Variants in JAK1 observed in about 807,000 individuals in gnomAD.
JAK1 encodes Janus kinase 1.
JAK1 carries 16 observed loss-of-function variants against 136.6 expected under a neutral mutation model. The ratio of observed to expected loss-of-function variants is 0.12; its 90% CI spans 0.08 to 0.18. The LOEUF (loss-of-function observed/expected upper bound fraction) is 0.18, where lower values mean the gene tolerates loss of function less well. JAK1 is among the 10% of genes least tolerant of loss of function. The pLI is 1.00. For synonymous variants in JAK1, 492 were observed against 519.5 expected (o/e 0.95, Z 0.72); for missense variants, 859 against 1,450.1 (o/e 0.59, Z 6.62).
intron 4 of JAK1, among the ~76,000 whole-genome samples, chr1:64,878,603 A>ATC (rs1644719050): frequency 1.6e-4 from 18 of 110,150 alleles, no homozygotes; most frequent in South Asian, 2.9e-4. Context: ...ATATATATAT[A>ATC]TATCTCAAAA....
chr1:64,841,579 C>A lies in JAK1; in HGVS notation c.2426G>T (p.Arg809Leu), dbSNP rs1293957402. Residue 809 changes from arginine to leucine, a missense_variant, in exon 18 of 25, where the codon CGG becomes CTG. Arg to Leu is a moderately radical substitution (Grantham distance 102, BLOSUM62 -2). Coordinates refer to ENST00000342505, the MANE Select transcript of JAK1 (RefSeq NM_002227.4). The stretch of plus-strand genomic sequence containing the variant: ...ACATGATGGTGTCACTGGCCTGCAC[C>A]GGCTTTCATAGAATCTCTCTTTCTG... ...LIEKERFYES[R>L]CRPVTPSCKE... 6.2e-7 allele frequency: 1 copy of A among 1,614,070 alleles called. No homozygotes were observed. Among genetic ancestry groups the A allele is most frequent in the African/African-American group, 1.3e-5 (1 of 75,024 alleles).
chr1:64,953,044 T>A (rs1285351359), intron 1 of JAK1, among the ~76,000 whole-genome samples: 1 of 152,228 alleles, frequency 6.6e-6, no homozygotes, highest in African/African-American at 2.4e-5. Context: ...ACTATCTTAT[T>A]ACTGATGTTT....
chr1:65,033,416 A>G (rs1167385101), intron 2 of JAK1, among the ~76,000 whole-genome samples: 4 of 152,002 alleles, frequency 2.6e-5, no homozygotes, highest in Admixed American at 6.6e-5. Context: ...CAAACTCCCA[A>G]CCTCAAGCAA....
At chr1:65,040,711 T>C (rs1647123953) in intron 2 of JAK1, among the ~76,000 whole-genome samples, 1 of 152,110 alleles carries the variant, frequency 6.6e-6, no homozygotes, top group Admixed American at 6.6e-5. Context: ...CTACCCATAG[T>C]GGCGCTCTGG....
intron 1 of JAK1, among the ~76,000 whole-genome samples, chr1:64,913,690 A>G (rs1261771801): frequency 3.1e-5 from 1 of 32,344 alleles, no homozygotes; most frequent in African/African-American, 8.5e-5. Context: ...GAAGGAAGGA[A>G]GGAAGGAAGG....
intron 11 of JAK1, among the ~76,000 whole-genome samples, chr1:64,852,720 T>A (rs1403043247): frequency 1.3e-5 from 2 of 152,184 alleles, no homozygotes; most frequent in Admixed American, 1.3e-4. Flanking sequence ...AGTGCCTCCA[T>A]GAAGGTGTTT....
chr1:64,892,128 C>T (rs924142307), intron 1 of JAK1, among the ~76,000 whole-genome samples: 2 of 152,238 alleles, frequency 1.3e-5, no homozygotes, highest in African/African-American at 2.4e-5. Flanking sequence ...CTAATTACCA[C>T]TAACACATCC....
chr1:64,928,778 C>CAAAAAAAAAAAAAAAAAAAAAAA lies in JAK1; in HGVS notation c.-78+37554_-78+37555insTTTTTTTTTTTTTTTTTTTTTTT, dbSNP rs1183218798. On this transcript the variant is annotated intron_variant, in intron 1 of 24. Coordinates refer to ENST00000342505, the MANE Select transcript of JAK1 (RefSeq NM_002227.4). ...AGGTTCTGAGTGCTATAAAACTCTGCAAAAAAAAAAAAAAAAAACAAAAAA... is the reference window on the plus strand; with the variant it reads ...AGGTTCTGAGTGCTATAAAACTCTGCAAAAAAAAAAAAAAAAAAAAAAAAAAAAAAAAAAAAAAAAACAAAAAA... Among the ~76,000 whole-genome samples, 160 of 61,086 alleles carry CAAAAAAAAAAAAAAAAAAAAAAA rather than the reference C, an allele frequency of 2.6e-3. 2 individuals carry two copies. The highest frequency in any genetic ancestry group is 5.3e-3 in the South Asian group (8 of 1,510). The allele number at this position is 61,086 out of a possible 152,430, so 40.1% of individuals were successfully genotyped here.
intron 1 of JAK1, among the ~76,000 whole-genome samples, chr1:64,950,337 G>A (rs573118553): frequency 4.0e-5 from 6 of 151,796 alleles, no homozygotes; most frequent in African/African-American, 1.2e-4. Flanking sequence ...CAACCCGGAG[G>A]CAGAGGTTGC....
intron 2 of JAK1, among the ~76,000 whole-genome samples, chr1:65,020,168 T>C (rs1646925735): frequency 7.3e-6 from 1 of 136,938 alleles, no homozygotes; most frequent in Non-Finnish European, 1.5e-5. Context: ...GAGGTTGCAG[T>C]GAGCTGAGAT....
intron 15 of JAK1, among the ~76,000 whole-genome samples, chr1:64,845,301 C>T (rs1389725975): frequency 2.0e-5 from 3 of 152,172 alleles, no homozygotes; most frequent in African/African-American, 7.2e-5. Context: ...TAACATTTCC[C>T]ACTAAACAGA....
intron 13 of JAK1, 46 bp from the exon 14 acceptor site, chr1:64,846,782 G>A: frequency 6.7e-7 from 1 of 1,494,124 alleles, no homozygotes; most frequent in Non-Finnish European, 9.3e-7. Context: ...AGCCTCCAGG[G>A]GGCTGCTCCC....
chr1:64,983,591 G>T lies in JAK1; in HGVS notation c.-78+60889C>A, dbSNP rs936022995. 1.2e-4 allele frequency among the ~76,000 whole-genome samples: 18 copies of T among 152,136 alleles called. 1 individual carries two copies. Among genetic ancestry groups the T allele is most frequent in the African/African-American group, 4.3e-4 (18 of 41,428 alleles). ...CCAATTATTTTAGGTTTCTCATTTG[G>T]ATGGCTCTACCACCAGATGGGTGGT... On this transcript the variant is annotated intron_variant, in intron 2 of 25. Transcript: ENST00000671954.
intron 10 of JAK1, 52 bp from the exon 11 acceptor site, chr1:64,855,750 G>T (rs777751925): frequency 6.7e-7 from 1 of 1,494,082 alleles, no homozygotes. Flanking sequence ...TCAGGCATGG[G>T]TATGTAAGAT....
intron 11 of JAK1, among the ~76,000 whole-genome samples, chr1:64,852,219 AT>A (rs1655646669): frequency 6.6e-6 from 1 of 152,262 alleles, no homozygotes; most frequent in African/African-American, 2.4e-5. Flanking sequence ...CAGTATTCTT[AT>A]CCCCATTTTA....
intron 2 of JAK1, among the ~76,000 whole-genome samples, chr1:64,982,369 C>G (rs1285900385): frequency 6.6e-6 from 1 of 152,170 alleles, no homozygotes; most frequent in African/African-American, 2.4e-5. Context: ...AACCATTACC[C>G]CAACATCACA....
intron 1 of JAK1, among the ~76,000 whole-genome samples, chr1:65,064,514 A>G (rs1303535687): frequency 6.6e-6 from 1 of 152,236 alleles, no homozygotes; most frequent in Non-Finnish European, 1.5e-5. Flanking sequence ...TAGCCCTTCC[A>G]AAAGACTGAG....
At chr1:64,933,547 G>A (rs536597989) in intron 1 of JAK1, among the ~76,000 whole-genome samples, 2 of 152,252 alleles carry the variant, frequency 1.3e-5, no homozygotes, top group African/African-American at 2.4e-5. Context: ...CCTGCCTCTC[G>A]TCTGCACCAT....
Position 64,838,121 on chromosome 1 carries a change from A to G in JAK1, c.2968-17T>C. 1.2e-6 allele frequency: 2 copies of G among 1,606,340 alleles called. No homozygotes were observed. The highest frequency in any genetic ancestry group is 8.5e-7 in the Non-Finnish European group (1 of 1,174,828). Reference sequence around the variant, plus strand: ...GTCCATCCCCTGAGAGAGAGAAGTAAAAGTCAAGCACATTGCTAAAGTCAC... The same window carrying G: ...GTCCATCCCCTGAGAGAGAGAAGTAGAAGTCAAGCACATTGCTAAAGTCAC... On this transcript the variant is annotated splice_polypyrimidine_tract_variant and intron_variant, in intron 21 of 24. Coordinates refer to ENST00000342505, the MANE Select transcript of JAK1 (RefSeq NM_002227.4).
Sources: allele counts gnomAD v4.1 joint callset (sites outside exome capture counted in the v4.1 genomes callset), GRCh38; gene constraint gnomAD v4.1.1; transcripts MANE v1.5; gene names NCBI Gene and HGNC (gene_info 2026-07-23, HGNC 2026-07-21).